FGFR2: variants seen among roughly 807,000 people sequenced by gnomAD.
The protein encoded by FGFR2 is BEK fibroblast growth factor receptor.
Under a neutral mutation model 95.9 loss-of-function variants are expected in FGFR2, and 19 were observed. The ratio of observed to expected loss-of-function variants is 0.20; its 90% CI spans 0.14 to 0.29. The LOEUF is 0.29. Among genes scored for constraint, FGFR2 ranks in the 10% least tolerant of loss-of-function variants. FGFR2 has a pLI of 1.00. For missense variants in FGFR2, 707 were observed against 1,056.9 expected (o/e 0.67, Z 4.59); for synonymous variants, 392 against 393.3 (o/e 1.00, Z 0.04).
chr10:121,571,494 A>G (rs991690630), intron 2 of FGFR2, among the ~76,000 whole-genome samples: 3 of 149,380 alleles, frequency 2.0e-5, no homozygotes, highest in Non-Finnish European at 3.0e-5. Context: ...TTTAGTAGAG[A>G]CAGGGTTTTA....
At chr10:121,549,338 C>T (rs1855031560) in intron 5 of FGFR2, among the ~76,000 whole-genome samples, 1 of 152,168 alleles carries the variant, frequency 6.6e-6, no homozygotes, top group Admixed American at 6.5e-5. Flanking sequence ...TAAAGTGATG[C>T]TGGTGTGTTA....
chr10:121,568,067 T>TA lies in FGFR2; in HGVS notation c.110-2364dup, dbSNP rs1449366624. On this transcript the variant is annotated intron_variant, in intron 2 of 17. Coordinates refer to ENST00000358487, the MANE Select transcript of FGFR2 (RefSeq NM_000141.5). Reference sequence around the variant, plus strand: ...AAATGCGGCTGAATTGAGTGACTAATAGAAATACTTTAAACTATGGAGACC... The same window carrying TA: ...AAATGCGGCTGAATTGAGTGACTAATAAGAAATACTTTAAACTATGGAGACC... Among the ~76,000 whole-genome samples the TA allele has an allele frequency of 3.9e-5, 6 of 152,232 alleles. No homozygotes were observed. In the South Asian group the frequency reaches 1.0e-3, roughly 26 times the overall value.
rs2303570 is a variant in FGFR2 at position 121,498,840 on chromosome 10, G to A, written c.1562-235C>T. ...GGCCAATGGGGCCAAGAGTCAGGAC[G>A]AGAGCAGGGGCTTCTGACACTAATG... On this transcript the variant is annotated intron_variant, in intron 11 of 17. Coordinates refer to ENST00000358487, the MANE Select transcript of FGFR2 (RefSeq NM_000141.5). Among the ~76,000 whole-genome samples, 116 of 152,304 alleles carry A rather than the reference G, an allele frequency of 7.6e-4. 2 individuals carry two copies. In the East Asian group the frequency reaches 0.018, roughly 23 times the overall value.
At chr10:121,523,036 G>A (rs558520297) in intron 6 of FGFR2, among the ~76,000 whole-genome samples, 158 of 152,340 alleles carry the variant, frequency 1.0e-3, no homozygotes, top group African/African-American at 3.7e-3. Context: ...GCCAGACCAT[G>A]TGCAAATTGA....
At chr10:121,499,940 G>C (rs1847376138) in intron 11 of FGFR2, among the ~76,000 whole-genome samples, 1 of 152,210 alleles carries the variant, frequency 6.6e-6, no homozygotes, top group South Asian at 2.1e-4. Context: ...GGGATGTGAT[G>C]ACTATCCCAT....
chr10:121,534,648 G>A (rs769219714), intron 6 of FGFR2, among the ~76,000 whole-genome samples: 7 of 152,076 alleles, frequency 4.6e-5, no homozygotes, highest in African/African-American at 7.2e-5. Context: ...TGCCCGCCTC[G>A]GCCTCCCCAA....
intron 2 of FGFR2, 83 bp downstream of exon 2, chr10:121,593,626 T>C: frequency 8.5e-7 from 1 of 1,180,756 alleles, no homozygotes; most frequent in Non-Finnish European, 1.3e-6. Flanking sequence ...AATGCAAGGG[T>C]AGCTGATTCT....
chr10:121,595,083 G>T (rs1006546826), intron 1 of FGFR2, among the ~76,000 whole-genome samples: 1 of 152,038 alleles, frequency 6.6e-6, no homozygotes, highest in African/African-American at 2.4e-5. Flanking sequence ...CACAAGAAGG[G>T]GCTCATCAAT....
intron 2 of FGFR2, among the ~76,000 whole-genome samples, chr10:121,579,539 A>C (rs1052141437): frequency 2.0e-5 from 3 of 152,342 alleles, no homozygotes; most frequent in Middle Eastern, 3.4e-3. Flanking sequence ...CATCATTATC[A>C]ACACCCATGT....
At chr10:121,512,858 T>G (rs964798483) in intron 9 of FGFR2, among the ~76,000 whole-genome samples, 12 of 152,280 alleles carry the variant, frequency 7.9e-5, no homozygotes, top group African/African-American at 2.4e-4. Flanking sequence ...AAGGACCAAC[T>G]TAGGCTGAAT....
intron 10 of FGFR2, among the ~76,000 whole-genome samples, chr10:121,501,634 A>C (rs2134022656): frequency 6.6e-6 from 1 of 152,332 alleles, no homozygotes; most frequent in Middle Eastern, 3.4e-3. Context: ...CCAGAAACCA[A>C]CAAAACGCAA....
chr10:121,562,565 C>T (rs975028668), intron 4 of FGFR2, among the ~76,000 whole-genome samples: 5 of 152,064 alleles, frequency 3.3e-5, no homozygotes, highest in Admixed American at 1.3e-4. Context: ...GGATTACAGG[C>T]GTGAGCAACG....
intron 6 of FGFR2, among the ~76,000 whole-genome samples, chr10:121,520,869 C>T (rs949607198): frequency 2.0e-5 from 3 of 152,212 alleles, no homozygotes; most frequent in African/African-American, 7.2e-5. Context: ...TCTCAAACTC[C>T]TATGCTCAAG....
Position 121,586,575 on chromosome 10 carries a change from A to T in FGFR2, c.109+7134T>A, listed in dbSNP as rs541341671. On this transcript the variant is annotated intron_variant, in intron 2 of 17. Transcript: ENST00000358487. The stretch of plus-strand genomic sequence containing the variant: ...AATTACTTACAGTATTCCAAAGTGG[A>T]GTAAATTACACATTCAGCATCTGAA... 1.8e-4 allele frequency among the ~76,000 whole-genome samples: 27 copies of T among 152,358 alleles called. No homozygotes were observed. The South Asian group carries it at 5.6e-3, about 32-fold the overall frequency.
intron 6 of FGFR2, chr10:121,538,276 CT>C: frequency 1.3e-6 from 1 of 749,604 alleles, no homozygotes; most frequent in Non-Finnish European, 2.5e-6. Context: ...CATCTGTACC[CT>C]TTTCACCTGC....
chr10:121,528,795 C>T (rs1054893149), intron 6 of FGFR2, among the ~76,000 whole-genome samples: 3 of 152,224 alleles, frequency 2.0e-5, no homozygotes, highest in Non-Finnish European at 2.9e-5. Flanking sequence ...TCAATCCAAA[C>T]GCCACTGCTC....
chr10:121,490,155 T>C (rs947143236), intron 13 of FGFR2, among the ~76,000 whole-genome samples: 9 of 2,754 alleles, frequency 3.3e-3, no homozygotes, highest in African/African-American at 4.8e-3. Context: ...CTTTTCCTTC[T>C]TTTTTTTTTT....
intron 5 of FGFR2, among the ~76,000 whole-genome samples, chr10:121,540,773 C>T (rs1212275924): frequency 6.6e-6 from 1 of 152,190 alleles, no homozygotes; most frequent in East Asian, 1.9e-4. Context: ...CTTTGAGCCC[C>T]CGCTCAAATG....
intron 15 of FGFR2, among the ~76,000 whole-genome samples, 176 bp downstream of exon 15, chr10:121,487,178 T>C (rs1845527197): frequency 6.6e-6 from 1 of 152,254 alleles, no homozygotes. Flanking sequence ...GGCAGATTAG[T>C]AACAGAGCAT....
Sources: gnomAD v4.1 joint callset for allele counts (sites outside exome capture counted in the v4.1 genomes callset) on GRCh38, gnomAD v4.1.1 for gene constraint, MANE v1.5 for transcripts, NCBI Gene and HGNC (gene_info 2026-07-23, HGNC 2026-07-21) for gene names.